The following LRP1B variants were observed in gnomAD, a reference collection of about 807,000 sequenced individuals.
LRP1B encodes low-density lipoprotein receptor-related protein 1B.
In LRP1B, 217 loss-of-function variants were observed where a neutral mutation model predicts 556.6. The ratio of observed to expected loss-of-function variants is 0.39; its 90% CI spans 0.35 to 0.44. The LOEUF is 0.44. LRP1B is among the 20% of genes least tolerant of loss of function. The pLI is 1.00. For missense variants in LRP1B, 5,053 were observed against 5,620.8 expected (o/e 0.90, Z 3.23); for synonymous variants, 2,047 against 1,865.8 (o/e 1.10, Z -2.50).
chr2:140,956,177 A>G (rs1695866848), intron 18 of LRP1B, among the ~76,000 whole-genome samples: 1 of 151,776 alleles, frequency 6.6e-6, no homozygotes, highest in Admixed American at 6.6e-5. Context: ...CAATACACTG[A>G]TACTCTTGAC....
chr2:141,943,089 GA>G (rs1455785443), intron 1 of LRP1B, among the ~76,000 whole-genome samples: 1 of 152,184 alleles, frequency 6.6e-6, no homozygotes, highest in African/African-American at 2.4e-5. Context: ...TTTAAAAGGA[GA>G]AAGTTGTGTA....
chr2:140,660,305 A>G (rs1685045834), intron 41 of LRP1B, among the ~76,000 whole-genome samples: 1 of 151,706 alleles, frequency 6.6e-6, no homozygotes, highest in South Asian at 2.1e-4. Context: ...GCATACTTCC[A>G]GTATTTTTAT....
At chr2:140,905,284 C>T (rs1694218458) in intron 22 of LRP1B, among the ~76,000 whole-genome samples, 1 of 152,010 alleles carries the variant, frequency 6.6e-6, no homozygotes, top group South Asian at 2.1e-4. Flanking sequence ...ATCCCTAGCA[C>T]ATTGTCCAAC....
At chr2:140,837,997 G>A in intron 31 of LRP1B, among the ~76,000 whole-genome samples, 1 of 151,730 alleles carries the variant, frequency 6.6e-6, no homozygotes, top group East Asian at 1.9e-4. Flanking sequence ...GCTATAAATT[G>A]TGAATAGGTA....
chr2:140,233,169 A>G lies in LRP1B; in HGVS notation c.*17T>C, dbSNP rs755036642. 8 of 1,538,032 alleles carry G rather than the reference A, an allele frequency of 5.2e-6. No individual in the cohort carries two copies. Among genetic ancestry groups the G allele is most frequent in the Non-Finnish European group, 6.3e-6 (7 of 1,118,886 alleles). On this transcript the variant is annotated 3_prime_UTR_variant, in exon 91 of 91. Coordinates refer to ENST00000389484, the MANE Select transcript of LRP1B (RefSeq NM_018557.3). ...TATATTTTATACATTTATACAGCATATAAAAGATATCACTGATTATGCCAC... is the reference window on the plus strand; with the variant it reads ...TATATTTTATACATTTATACAGCATGTAAAAGATATCACTGATTATGCCAC...
At chr2:140,510,760 A>G (rs2104920065) in intron 51 of LRP1B, among the ~76,000 whole-genome samples, 2 of 152,250 alleles carry the variant, frequency 1.3e-5, no homozygotes, top group East Asian at 3.9e-4. Context: ...TATCACTGCA[A>G]TGTTTCTTTA....
At chr2:141,202,514 CTAAT>C (rs1399966329) in intron 6 of LRP1B, among the ~76,000 whole-genome samples, 1 of 152,184 alleles carries the variant, frequency 6.6e-6, no homozygotes, top group Admixed American at 6.5e-5. Flanking sequence ...AATGGTTGAA[CTAAT>C]TAACACTCCC....
intron 2 of LRP1B, among the ~76,000 whole-genome samples, chr2:141,744,286 A>G (rs529277875): frequency 2.6e-4 from 40 of 152,168 alleles, no homozygotes; most frequent in African/African-American, 9.4e-4. Flanking sequence ...ATGTGTTTGT[A>G]TAGTTTCCAA....
rs147451879 is a variant in LRP1B at position 141,683,335 on chromosome 2, G to A, written c.205+126944C>T. ...TTGAGAGGGCTTACAAGAAACTGAG[G>A]AGCATGGTACAGGAAACTTACATCA... On this transcript the variant is annotated intron_variant, in intron 2 of 90. Transcript: ENST00000389484. Among the ~76,000 whole-genome samples the A allele has an allele frequency of 2.0e-3, 297 of 152,212 alleles. 1 individual carries two copies. In the Middle Eastern group the frequency reaches 0.02, roughly 10 times the overall value.
intron 2 of LRP1B, among the ~76,000 whole-genome samples, chr2:141,566,631 T>C (rs943970414): frequency 3.3e-5 from 5 of 152,230 alleles, no homozygotes; most frequent in African/African-American, 1.2e-4. Flanking sequence ...CCTCTCTTTG[T>C]TTTAATTTTC....
At chr2:140,752,270 TA>T (rs1309229310) in intron 35 of LRP1B, among the ~76,000 whole-genome samples, 1 of 149,862 alleles carries the variant, frequency 6.7e-6, no homozygotes, top group East Asian at 1.9e-4. Context: ...AGCCACGGAA[TA>T]AATAGAATTC....
At chr2:140,723,645 A>C (rs1321117344) in intron 35 of LRP1B, among the ~76,000 whole-genome samples, 1 of 152,208 alleles carries the variant, frequency 6.6e-6, no homozygotes, top group African/African-American at 2.4e-5. Flanking sequence ...AAATTCTGTA[A>C]CTGTAAATTG....
At chr2:141,240,166 T>C (rs2105314507) in intron 5 of LRP1B, among the ~76,000 whole-genome samples, 1 of 152,216 alleles carries the variant, frequency 6.6e-6, no homozygotes, top group Non-Finnish European at 1.5e-5. Flanking sequence ...AAGACTAAAA[T>C]GATTTTAGGC....
chr2:141,130,714 C>A (rs1701328806), intron 7 of LRP1B, among the ~76,000 whole-genome samples: 1 of 152,050 alleles, frequency 6.6e-6, no homozygotes, highest in South Asian at 2.1e-4. Context: ...TAGTAGTACA[C>A]AATGGTTGAA....
rs546179932 is a variant in LRP1B at position 140,884,292 on chromosome 2, T to C, written c.3965-271A>G. On this transcript the variant is annotated intron_variant, in intron 24 of 90. Coordinates refer to ENST00000389484, the MANE Select transcript of LRP1B (RefSeq NM_018557.3). ...AGCAGCTCTGAGGCTAATAACAACG[T>C]TGAGGTTGCAAAAAAAAAGTTATTT... is the stretch of plus-strand genomic sequence containing the variant. 2.0e-5 allele frequency among the ~76,000 whole-genome samples: 3 copies of C among 151,712 alleles called. No homozygotes were observed. In the East Asian group the frequency reaches 5.8e-4, roughly 29 times the overall value.
At chr2:141,001,287 A>G (rs549617142) in intron 15 of LRP1B, among the ~76,000 whole-genome samples, 2 of 149,966 alleles carry the variant, frequency 1.3e-5, no homozygotes, top group South Asian at 2.1e-4. Flanking sequence ...AAGTTATGCC[A>G]CTGGAAATTG....
chr2:140,286,058 C>A (rs907862884), intron 84 of LRP1B, among the ~76,000 whole-genome samples: 41 of 151,718 alleles, frequency 2.7e-4, no homozygotes, highest in Admixed American at 2.6e-3. Flanking sequence ...TAAAACAGTA[C>A]AATAAGAGCA....
Position 141,433,753 on chromosome 2 carries a change from T to A in LRP1B, c.343+46643A>T, listed in dbSNP as rs570369442. ...ATGTCTGAGCGTGGTTCTCTTTGCA[T>A]TTTTCCTACATGGAGTTTGTTGCAT... On this transcript the variant is annotated intron_variant, in intron 3 of 90. Coordinates refer to ENST00000389484, the MANE Select transcript of LRP1B (RefSeq NM_018557.3). 2.0e-5 allele frequency among the ~76,000 whole-genome samples: 3 copies of A among 152,152 alleles called. No homozygotes were observed. The East Asian group carries it at 5.8e-4, about 29-fold the overall frequency.
At chr2:140,996,470 T>C (rs1000908166) in intron 15 of LRP1B, among the ~76,000 whole-genome samples, 1 of 152,060 alleles carries the variant, frequency 6.6e-6, no homozygotes, top group Non-Finnish European at 1.5e-5. Context: ...GCATTTGTTT[T>C]ATAATTAATT....
Sources: gnomAD v4.1 joint callset for allele counts (sites outside exome capture counted in the v4.1 genomes callset) on GRCh38, gnomAD v4.1.1 for gene constraint, MANE v1.5 for transcripts, NCBI Gene and HGNC (gene_info 2026-07-23, HGNC 2026-07-21) for gene names.